The following PTPN21 variants were observed in gnomAD, a reference collection of about 807,000 sequenced individuals.
PTPN21 encodes tyrosine-protein phosphatase non-receptor type 21.
A neutral mutation model predicts 131.8 loss-of-function variants in PTPN21; 77 were observed. That is an observed-to-expected ratio of 0.58 (90% CI 0.49 to 0.71). PTPN21 has a LOEUF of 0.71. Among genes scored for constraint, PTPN21 ranks in the 30% least tolerant of loss-of-function variants. PTPN21 has a pLI of 0.00. For missense variants in PTPN21, 1,552 were observed against 1,527.1 expected (o/e 1.02, Z -0.27); for synonymous variants, 715 against 621.3 (o/e 1.15, Z -2.24).
intron 12 of PTPN21, among the ~76,000 whole-genome samples, chr14:88,481,685 T>C (rs1412352444): frequency 6.6e-6 from 1 of 151,826 alleles, no homozygotes; most frequent in Admixed American, 6.6e-5. Context: ...CCAGCCTGAG[T>C]TGGGTTGATG....
intron 3 of PTPN21, among the ~76,000 whole-genome samples, chr14:88,514,457 GTTTTC>G (rs1382299217): frequency 1.3e-5 from 2 of 148,488 alleles, no homozygotes; most frequent in Admixed American, 6.7e-5. Context: ...CTCCCCCTTT[GTTTTC>G]TTTTTTCTTT....
intron 18 of PTPN21, 143 bp from the exon 19 acceptor site, chr14:88,468,408 T>A (rs2077400056): frequency 1.3e-6 from 1 of 772,806 alleles, no homozygotes; most frequent in Non-Finnish European, 2.0e-6. Flanking sequence ...AAATAAGCCA[T>A]GATTGCCTAC....
chr14:88,550,411 G>C lies in PTPN21; in HGVS notation c.7C>G (p.Leu3Val). MP[L>V]PFGLKLKRTR... ...CGTTTCAGTTTCAACCCAAATGGCA[G>C]TGGCATCTTCTTCTTTCTTCAAGAA... is the stretch of plus-strand genomic sequence containing the variant. Residue 3 changes from leucine to valine, a missense_variant, in exon 2 of 19, where the codon CTG becomes GTG. Transcript: ENST00000556564. 6.2e-7 allele frequency: 1 copy of C among 1,613,674 alleles called. No individual in the cohort carries two copies. The highest frequency in any genetic ancestry group is 8.5e-7 in the Non-Finnish European group (1 of 1,179,726).
intron 2 of PTPN21, among the ~76,000 whole-genome samples, chr14:88,535,556 T>G (rs1291618132): frequency 1.3e-5 from 2 of 152,222 alleles, no homozygotes; most frequent in Admixed American, 6.5e-5. Flanking sequence ...GGTGAAGAAC[T>G]TTGTAAGTTC....
In PTPN21 at chr14:88,467,058, C is replaced by G. The variant is rs887783550; in HGVS notation, c.*1079G>C. On this transcript the variant is annotated 3_prime_UTR_variant, in exon 19 of 19. Transcript: ENST00000556564. Reference sequence around the variant, plus strand: ...TCCCTGGGGACAGTGCTGTGGGGTCCCCTGCTCGCCATCCCAGCACCTCAG... The same window carrying G: ...TCCCTGGGGACAGTGCTGTGGGGTCGCCTGCTCGCCATCCCAGCACCTCAG... The G allele has an allele frequency of 1.3e-5, 2 of 152,118 alleles. No individual in the cohort carries two copies. Among genetic ancestry groups the G allele is most frequent in the African/African-American group, 4.8e-5 (2 of 41,424 alleles). The allele number at this position is 152,118 out of a possible 1,614,324, so 9.4% of individuals were successfully genotyped here.
chr14:88,517,685 T>TACGCAC (rs2078297739), intron 2 of PTPN21, among the ~76,000 whole-genome samples: 1 of 41,588 alleles, frequency 2.4e-5, no homozygotes, highest in African/African-American at 6.6e-5. Flanking sequence ...TATGTATATA[T>TACGCAC]ACATATGTGT....
In PTPN21 at chr14:88,469,759, G is replaced by A. The variant is rs924107106; in HGVS notation, c.3001-26C>T. 4.3e-6 allele frequency: 7 copies of A among 1,611,524 alleles called. No homozygotes were observed. Among genetic ancestry groups the A allele is most frequent in the East Asian group, 2.2e-5 (1 of 44,862 alleles). On this transcript the variant is annotated intron_variant, in intron 16 of 18. Coordinates refer to ENST00000556564, the MANE Select transcript of PTPN21 (RefSeq NM_007039.4). This position sits in a 1 kb window ranked among gnomAD's most constrained non-coding sequence, Gnocchi z 4.3. Reference sequence around the variant, plus strand: ...CTGTTAAAGATGAGCATGGTTAAATGACTCGAGATCCGGCAATGGATGCCT... The same window carrying A: ...CTGTTAAAGATGAGCATGGTTAAATAACTCGAGATCCGGCAATGGATGCCT...
At chr14:88,547,349 T>C (rs1310480750) in intron 2 of PTPN21, among the ~76,000 whole-genome samples, 2 of 116,514 alleles carry the variant, frequency 1.7e-5, no homozygotes, top group African/African-American at 6.4e-5. Flanking sequence ...AATAAATAAA[T>C]AGAATATAAG....
At chr14:88,498,946 A>T (rs10142312) in intron 8 of PTPN21, among the ~76,000 whole-genome samples, 10,443 of 152,246 alleles carry the variant, frequency 0.069, 499 homozygotes, top group African/African-American at 0.14. Context: ...TCAACTTAGT[A>T]CGGATTCCGT....
intron 10 of PTPN21, among the ~76,000 whole-genome samples, chr14:88,492,513 G>A (rs188647009): frequency 4.0e-3 from 611 of 152,276 alleles, no homozygotes; most frequent in Non-Finnish European, 6.3e-3. Flanking sequence ...ATGGGGACTC[G>A]GATGCAAACA....
At position 88,485,810 on chromosome 14, in the gene PTPN21, C is replaced by CT. The variant is rs2077723083; in HGVS notation, c.964dup (p.Arg322LysfsTer12). ...AGACATCCTTGAAGAAGACCTCCTC[C>CT]TGATTGGGTTCACTGTGACAGTCTG... On this transcript the variant is annotated frameshift_variant, in exon 11 of 19. Transcript: ENST00000556564. LOFTEE classifies it high-confidence loss of function. 1 of 1,609,306 alleles carries CT rather than the reference C, an allele frequency of 6.2e-7. No individual in the cohort carries two copies.
At chr14:88,535,713 C>T (rs1172250923) in intron 2 of PTPN21, among the ~76,000 whole-genome samples, 2 of 152,198 alleles carry the variant, frequency 1.3e-5, no homozygotes, top group African/African-American at 2.4e-5. Flanking sequence ...ATTCAAATAA[C>T]AGTCAAACTA....
Position 88,473,656 on chromosome 14 carries a change from C to T in PTPN21, c.2649+9G>A, listed in dbSNP as rs1392693236. 2 of 1,608,138 alleles carry T rather than the reference C, an allele frequency of 1.2e-6. No homozygotes were observed. Among genetic ancestry groups the T allele is most frequent in the Non-Finnish European group, 1.7e-6 (2 of 1,178,556 alleles). On this transcript the variant is annotated intron_variant, in intron 14 of 18. Transcript: ENST00000556564. ...AGAAGGCACAAAGCCCTGTGTGTCC[C>T]ATACATACCCTTTCATCATTCGTTG...
At chr14:88,514,383 C>T (rs865918839) in intron 3 of PTPN21, among the ~76,000 whole-genome samples, 5 of 150,916 alleles carry the variant, frequency 3.3e-5, no homozygotes, top group African/African-American at 1.2e-4. Flanking sequence ...TTTTCTGCTG[C>T]TTTATGGTCA....
At chr14:88,551,624 G>C (rs1281503545) in intron 1 of PTPN21, 1 of 152,346 alleles carries the variant, frequency 6.6e-6, no homozygotes, top group African/African-American at 2.4e-5. Context: ...TGGAGAGGTT[G>C]GGCGGGCCCC....
At chr14:88,511,154 G>A (rs773100144) in intron 3 of PTPN21, among the ~76,000 whole-genome samples, 9 of 152,046 alleles carry the variant, frequency 5.9e-5, no homozygotes, top group East Asian at 1.9e-4. Context: ...GAGCTCAAGC[G>A]ATCCTCCCAC....
chr14:88,497,332 T>A, intron 8 of PTPN21, 42 bp from the exon 9 acceptor site: 1 of 1,472,674 alleles, frequency 6.8e-7, no homozygotes, highest in Non-Finnish European at 9.5e-7. Flanking sequence ...TGAGTGCCCA[T>A]GGGGGAAACA....
In PTPN21 at chr14:88,469,144, T is replaced by G. The variant is rs188438739; in HGVS notation, c.3236-68A>C. On this transcript the variant is annotated intron_variant, in intron 17 of 18. Coordinates refer to ENST00000556564, the MANE Select transcript of PTPN21 (RefSeq NM_007039.4). The surrounding 1 kb of genome is among the most constrained non-coding windows in gnomAD (Gnocchi z 4.3). Reference sequence around the variant, plus strand: ...GCGTATCACATTGTTGACTCAATCTTCATATTCTCTCCACTGATTAAGAGG... The same window carrying G: ...GCGTATCACATTGTTGACTCAATCTGCATATTCTCTCCACTGATTAAGAGG... 4 of 1,490,760 alleles carry G rather than the reference T, an allele frequency of 2.7e-6. No homozygotes were observed. The highest frequency in any genetic ancestry group is 2.3e-5 in the East Asian group (1 of 43,522). 92.3% of individuals were successfully genotyped at this position (1,490,760 alleles called of 1,614,324 possible).
At chr14:88,470,813 G>C (rs1316198539) in intron 15 of PTPN21, among the ~76,000 whole-genome samples, 1 of 152,184 alleles carries the variant, frequency 6.6e-6, no homozygotes, top group Non-Finnish European at 1.5e-5. Context: ...GGAGGAGGAG[G>C]GGACTAGTGA....
Sources: allele counts gnomAD v4.1 joint callset (sites outside exome capture counted in the v4.1 genomes callset), GRCh38; gene constraint gnomAD v4.1.1; non-coding constraint Gnocchi (gnomAD v3.1); transcripts MANE v1.5; gene names NCBI Gene and HGNC (gene_info 2026-07-23, HGNC 2026-07-21).